Variants in CPSF1 observed in about 807,000 individuals in gnomAD.
The protein encoded by CPSF1 is cleavage and polyadenylation specificity factor subunit 1.
In CPSF1, 106 loss-of-function variants were observed where a neutral mutation model predicts 175.8. That is an observed-to-expected ratio of 0.60 (90% CI 0.52 to 0.71). The LOEUF (loss-of-function observed/expected upper bound fraction) is 0.71, where lower values mean the gene tolerates loss of function less well. Among genes scored for constraint, CPSF1 ranks in the 30% least tolerant of loss-of-function variants. CPSF1 has a pLI of 0.00. For synonymous variants in CPSF1, 1,024 were observed against 858.3 expected (o/e 1.19, Z -3.37); for missense variants, 1,734 against 2,022.9 (o/e 0.86, Z 2.74).
rs1303187204 is a variant in CPSF1 at position 144,400,026 on chromosome 8, C to T, written c.997G>A (p.Asp333Asn). 2.5e-6 allele frequency: 4 copies of T among 1,611,294 alleles called. No homozygotes were observed. Among genetic ancestry groups the T allele is most frequent in the Admixed American group, 1.7e-5 (1 of 59,804 alleles). The change falls in exon 10 of 38, where the codon GAC (aspartate) becomes AAC (asparagine). Residue 333 changes from aspartate (D) to asparagine (N), a missense_variant. By Grantham distance (23) the Asp-to-Asn change is conservative. Transcript: ENST00000616140. ...DCAQATFISYDKMVISLKGGE... is the reference protein window; with the variant it reads ...DCAQATFISYNKMVISLKGGE... ...CCCTTGAGGGAGATGACCATCTTGT[C>T]GTAGGAGATGAAGGTGGCCTGGGCG... is the stretch of plus-strand genomic sequence containing the variant.
In CPSF1 at chr8:144,394,954, C is replaced by T. The variant is rs1335166309; in HGVS notation, c.3342G>A (p.Val1114=). The stretch of plus-strand genomic sequence containing the variant: ...CGGCCACGTAGCCTTTGAGGCCCGA[C>T]ACGGTCTCCTCACTGCGCAGAGACA... ...KTVSLRSEET[V]SGLKGYVAAG... Residue 1114 remains valine (V), a synonymous_variant, in exon 30 of 38, where the codon GTG becomes GTA. Transcript: ENST00000616140. 9.9e-6 allele frequency: 16 copies of T among 1,612,934 alleles called. No homozygotes were observed. Among genetic ancestry groups the T allele is most frequent in the South Asian group, 4.4e-5 (4 of 91,092 alleles).
At chr8:144,400,134 G>GCCCCCCCCCCCCCCCCCCC (rs782373475) in intron 9 of CPSF1, 32 bp downstream of exon 9, 57 of 966,540 alleles carry the variant, frequency 5.9e-5, no homozygotes, top group African/African-American at 1.2e-4. Flanking sequence ...GCCGTCCCCG[G>GCCCCCCCCCCCCCCCCCCC]GCCCCCCCCG....
intron 9 of CPSF1, 31 bp downstream of exon 9, chr8:144,400,135 G>GGGGGGGCGCCCCCCCCCCCCCCCCCC: frequency 1.1e-6 from 1 of 896,012 alleles, no homozygotes; most frequent in Non-Finnish European, 1.6e-6. Context: ...CCGTCCCCGG[G>GGGGGGGCGCCCCCCCCCCCCCCCCCC]CCCCCCCCGC....
intron 7 of CPSF1, 60 bp from the exon 8 acceptor site, chr8:144,400,553 T>A: frequency 6.2e-7 from 1 of 1,607,904 alleles, no homozygotes; most frequent in Non-Finnish European, 8.5e-7. Context: ...CAGGCCCAGC[T>A]CCTCCCGAGC....
chr8:144,399,440 A>ACCGG lies in CPSF1; in HGVS notation c.1294+8_1294+11dup. ...TGGCCCCGCTCCTGACCAGCCCTGGACCGGCCCTCACCTGACCAGCCGGCC... is the reference window on the plus strand; with the variant it reads ...TGGCCCCGCTCCTGACCAGCCCTGGACCGGCCGGCCCTCACCTGACCAGCCGGCC... On this transcript the variant is annotated intron_variant, in intron 13 of 37. Transcript: ENST00000616140. The surrounding 1 kb of genome is among the most constrained non-coding windows in gnomAD (Gnocchi z 6.4). The ACCGG allele has an allele frequency of 6.2e-7, 1 of 1,612,808 alleles. No individual in the cohort carries two copies. The highest frequency in any genetic ancestry group is 8.5e-7 in the Non-Finnish European group (1 of 1,179,922).
At position 144,396,738 on chromosome 8, in the gene CPSF1, G is replaced by A; in HGVS notation, c.2686C>T (p.Pro896Ser). 6.2e-7 allele frequency: 1 copy of A among 1,613,806 alleles called. No homozygotes were observed. Among genetic ancestry groups the A allele is most frequent in the South Asian group, 1.1e-5 (1 of 91,074 alleles). ...GNLKVRFKKV[P>S]HNINFREKKP... The stretch of plus-strand genomic sequence containing the variant: ...TTCTCACGGAAGTTGATGTTGTGAG[G>A]GACCTGGGGGGGAACCATGCAGGTC... The change falls in exon 25 of 38, where the codon CCT (proline) becomes TCT (serine). Residue 896 changes from proline (P) to serine (S), a missense_variant. Coordinates refer to ENST00000616140, the MANE Select transcript of CPSF1 (RefSeq NM_013291.3).
At position 144,399,964 on chromosome 8, in the gene CPSF1, A is replaced by C; in HGVS notation, c.1031+28T>G. 6.4e-7 allele frequency: 1 copy of C among 1,555,070 alleles called. No individual in the cohort carries two copies. The highest frequency in any genetic ancestry group is 8.8e-7 in the Non-Finnish European group (1 of 1,137,568). On this transcript the variant is annotated intron_variant, in intron 10 of 37. Transcript: ENST00000616140. The surrounding 1 kb of genome is among the most constrained non-coding windows in gnomAD (Gnocchi z 6.4). Reference sequence around the variant, plus strand: ...AGGACTTGTGGGGGGCGGTGTGGGCAGAGTTCATGGGCGGGGGAGGGGCTC... The same window carrying C: ...AGGACTTGTGGGGGGCGGTGTGGGCCGAGTTCATGGGCGGGGGAGGGGCTC...
chr8:144,405,032 G>A (rs2116900614), intron 2 of CPSF1, among the ~76,000 whole-genome samples: 135 of 149,122 alleles, frequency 9.1e-4, no homozygotes, highest in African/African-American at 3.0e-3. Flanking sequence ...GTGATAGAGC[G>A]AGACTCCGTC....
Position 144,409,167 on chromosome 8 carries a change from C to A in CPSF1, c.-9G>T. 1 of 1,604,966 alleles carries A rather than the reference C, an allele frequency of 6.2e-7. No individual in the cohort carries two copies. Among genetic ancestry groups the A allele is most frequent in the Non-Finnish European group, 8.5e-7 (1 of 1,176,238 alleles). Reference sequence around the variant, plus strand: ...TTGTACACGGCGTACATGGCGCCAACCCGGGCTGCGCAAGGCCGGGAGAGG... The same window carrying A: ...TTGTACACGGCGTACATGGCGCCAAACCGGGCTGCGCAAGGCCGGGAGAGG... On this transcript the variant is annotated 5_prime_UTR_variant, in exon 2 of 38. Coordinates refer to ENST00000616140, the MANE Select transcript of CPSF1 (RefSeq NM_013291.3).
At chr8:144,401,809 A>G in intron 2 of CPSF1, 136 bp from the exon 3 acceptor site, 1 of 936,822 alleles carries the variant, frequency 1.1e-6, no homozygotes, top group Non-Finnish European at 1.6e-6. Flanking sequence ...AGCAGGGAGA[A>G]GGGCTTCTGG....
intron 2 of CPSF1, among the ~76,000 whole-genome samples, chr8:144,407,921 G>A (rs1554869599): frequency 6.6e-6 from 1 of 152,164 alleles, no homozygotes; most frequent in Non-Finnish European, 1.5e-5. Flanking sequence ...GCCATGTTGT[G>A]AGCTGCCCCA....
At chr8:144,400,134 G>GCCCCCCCCCCCCCCCCCCCCCCCCCCCCC in intron 9 of CPSF1, 32 bp downstream of exon 9, 2 of 966,568 alleles carry the variant, frequency 2.1e-6, no homozygotes, top group Middle Eastern at 3.5e-4. Context: ...GCCGTCCCCG[G>GCCCCCCCCCCCCCCCCCCCCCCCCCCCCC]GCCCCCCCCG....
intron 2 of CPSF1, among the ~76,000 whole-genome samples, chr8:144,402,035 T>C (rs2116888398): frequency 2.6e-5 from 4 of 152,174 alleles, no homozygotes; most frequent in African/African-American, 7.2e-5. Flanking sequence ...CCCCGGCCCC[T>C]GGGTCCAAAT....
chr8:144,395,390 G>A lies in CPSF1; in HGVS notation c.3097-35C>T, dbSNP rs370593536. The A allele has an allele frequency of 1.9e-4, 300 of 1,612,816 alleles. No homozygotes were observed. The Middle Eastern group carries it at 3.3e-3, about 18-fold the overall frequency. On this transcript the variant is annotated intron_variant, in intron 27 of 37. Transcript: ENST00000616140. ...AGTGAGGGTCACACACCAGTGGCCCGGCCAGGCCCAGAAGGTCCCTGGTGG... is the reference window on the plus strand; with the variant it reads ...AGTGAGGGTCACACACCAGTGGCCCAGCCAGGCCCAGAAGGTCCCTGGTGG...
At chr8:144,396,991 A>ATGGGAAGAG in intron 23 of CPSF1, 62 bp from the exon 24 acceptor site, 1 of 1,206,938 alleles carries the variant, frequency 8.3e-7, no homozygotes, top group Non-Finnish European at 1.2e-6. Context: ...GGGATGGGCC[A>ATGGGAAGAG]TGGGAAGAGG....
Position 144,398,381 on chromosome 8 carries a change from G to T in CPSF1, c.1815C>A (p.Pro605=). The T allele has an allele frequency of 6.2e-7, 1 of 1,613,786 alleles. No homozygotes were observed. Among genetic ancestry groups the T allele is most frequent in the Non-Finnish European group, 8.5e-7 (1 of 1,179,992 alleles). The change falls in exon 19 of 38, where the codon CCC becomes CCA. Residue 605 remains proline, a synonymous_variant. Coordinates refer to ENST00000616140, the MANE Select transcript of CPSF1 (RefSeq NM_013291.3). ...LDTSGFATQG[P]TVFAGNIGDN... ...CCCCGATGTTCCCAGCAAAGACCGT[G>T]GGGCCCTGAGTGGCGAAGCCACTGG...
chr8:144,393,742 C>T lies in CPSF1; in HGVS notation c.4070G>A (p.Arg1357Gln). The T allele has an allele frequency of 6.3e-7, 1 of 1,581,330 alleles. No homozygotes were observed. Among genetic ancestry groups the T allele is most frequent in the Non-Finnish European group, 8.5e-7 (1 of 1,170,220 alleles). ...LLLPMQEKTY[R>Q]RLLMLQNALT... is the part of the protein sequence containing the mutation. ...CGCGTTCTGCAGCATCAGCAGCCGC[C>T]GGTAGGTCTTCTCCTGCATGGGCAG... Residue 1357 changes from arginine (R) to glutamine (Q), a missense_variant, in exon 36 of 38, where the codon CGG becomes CAG. Around this residue, in one of 10 missense-constraint regions of CPSF1, gnomAD observed 323 missense variants for 338.5 expected, o/e 0.95. Coordinates refer to ENST00000616140, the MANE Select transcript of CPSF1 (RefSeq NM_013291.3).
In CPSF1 at chr8:144,400,969, C is replaced by A; in HGVS notation, c.494G>T (p.Arg165Leu). The A allele has an allele frequency of 6.2e-7, 1 of 1,609,490 alleles. No homozygotes were observed. Among genetic ancestry groups the A allele is most frequent in the Non-Finnish European group, 8.5e-7 (1 of 1,177,864 alleles). Residue 165 changes from arginine (R) to leucine (L), a missense_variant, in exon 6 of 38, where the codon CGC becomes CTC. By Grantham distance (102) the Arg-to-Leu change is moderately radical (BLOSUM62 -2). This residue lies in a region of CPSF1 where 122 missense variants were observed against 177.2 expected (regional missense o/e 0.69). Coordinates refer to ENST00000616140, the MANE Select transcript of CPSF1 (RefSeq NM_013291.3). ...YGTRLVVLPF[R>L]RESLAEEHEG... ...GTGCTCCTCAGCCAGGCTCTCCCTG[C>A]GGAAGGGCAGGACCACCAGCCGCGT...
chr8:144,394,338 G>A (rs181442128), intron 32 of CPSF1, 38 bp from the exon 33 acceptor site: 61 of 1,587,352 alleles, frequency 3.8e-5, no homozygotes, highest in Admixed American at 1.4e-4. Flanking sequence ...TGCCTTGGGC[G>A]GGTACCCACC....
Sources: allele counts gnomAD v4.1 joint callset (sites outside exome capture counted in the v4.1 genomes callset), GRCh38; gene constraint gnomAD v4.1.1; regional missense constraint gnomAD v4.1.1; non-coding constraint Gnocchi (gnomAD v3.1); transcripts MANE v1.5; gene names NCBI Gene and HGNC (gene_info 2026-07-23, HGNC 2026-07-21).